SEC23A: variants seen among roughly 807,000 people sequenced by gnomAD.
The protein encoded by SEC23A is protein transport protein Sec23A.
Under a neutral mutation model 103.7 loss-of-function variants are expected in SEC23A, and 56 were observed. The ratio of observed to expected loss-of-function variants is 0.54; its 90% CI spans 0.44 to 0.67. SEC23A has a LOEUF of 0.67. Among genes scored for constraint, SEC23A ranks in the 30% least tolerant of loss-of-function variants. The pLI is 0.00. For missense variants in SEC23A, 784 were observed against 936.4 expected (o/e 0.84, Z 2.12); for synonymous variants, 281 against 293.0 (o/e 0.96, Z 0.42).
chr14:39,065,359 C>T (rs948059059), intron 10 of SEC23A, among the ~76,000 whole-genome samples: 2 of 152,052 alleles, frequency 1.3e-5, no homozygotes, highest in Non-Finnish European at 2.9e-5. Flanking sequence ...GGTCTCCCCC[C>T]AGTCTCTCCT....
intron 19 of SEC23A, among the ~76,000 whole-genome samples, chr14:39,036,319 T>TC (rs1885457861): frequency 5.0e-5 from 1 of 19,940 alleles, no homozygotes; most frequent in African/African-American, 2.8e-4. Context: ...AGACTCCGTC[T>TC]CAAAAAAAAA....
intron 9 of SEC23A, among the ~76,000 whole-genome samples, chr14:39,071,856 C>T (rs1034838000): frequency 1.5e-4 from 22 of 151,426 alleles, no homozygotes; most frequent in East Asian, 7.8e-4. Context: ...AGAGCGACTC[C>T]GTCTCAAAAT....
intron 15 of SEC23A, chr14:39,047,509 AC>A (rs1885882971): frequency 2.4e-5 from 16 of 660,724 alleles, no homozygotes; most frequent in Admixed American, 3.9e-5. Flanking sequence ...AACAACAACA[AC>A]AAAAAAAAAA....
At chr14:39,050,885 G>A (rs1022525178) in intron 14 of SEC23A, among the ~76,000 whole-genome samples, 10 of 152,296 alleles carry the variant, frequency 6.6e-5, no homozygotes, top group African/African-American at 2.4e-4. Context: ...AAGGGACTGA[G>A]AATAGAGGCA....
intron 12 of SEC23A, among the ~76,000 whole-genome samples, chr14:39,062,274 T>C (rs1188423943): frequency 2.0e-5 from 3 of 152,182 alleles, no homozygotes; most frequent in African/African-American, 7.2e-5. Context: ...TGTATTTTTT[T>C]AAACTCAGGA....
At chr14:39,060,824 A>AT (rs1201515012) in intron 13 of SEC23A, among the ~76,000 whole-genome samples, 1 of 152,246 alleles carries the variant, frequency 6.6e-6, no homozygotes, top group African/African-American at 2.4e-5. Flanking sequence ...AAAGATAGGA[A>AT]TAAGAAAAGG....
chr14:39,052,075 A>G (rs1460825330), intron 14 of SEC23A, among the ~76,000 whole-genome samples: 2 of 152,110 alleles, frequency 1.3e-5, no homozygotes, highest in African/African-American at 2.4e-5. Context: ...CAAACACCAC[A>G]TGCTCTCACT....
chr14:39,067,952 G>A (rs994002447), intron 9 of SEC23A, among the ~76,000 whole-genome samples: 6 of 151,984 alleles, frequency 3.9e-5, no homozygotes, highest in African/African-American at 1.2e-4. Context: ...TTACAGGCAT[G>A]AGCCACCCAC....
At chr14:39,090,575 C>T (rs1887625007) in intron 5 of SEC23A, among the ~76,000 whole-genome samples, 1 of 152,180 alleles carries the variant, frequency 6.6e-6, no homozygotes, top group Non-Finnish European at 1.5e-5. Flanking sequence ...TAACTTCCCT[C>T]ACCAAACATA....
At chr14:39,075,826 T>A in intron 8 of SEC23A, 109 bp downstream of exon 8, 1 of 891,952 alleles carries the variant, frequency 1.1e-6, no homozygotes, top group Non-Finnish European at 1.8e-6. Context: ...AGTTATAGTA[T>A]CAAACTGTAT....
rs140137008 is a variant in SEC23A, at chr14:39,079,691, G to A, written c.829-3598C>T. Among the ~76,000 whole-genome samples the A allele has an allele frequency of 8.8e-3, 1,344 of 152,014 alleles. 22 individuals are homozygous for A. Among genetic ancestry groups the A allele is most frequent in the African/African-American group, 0.031 (1,271 of 41,454 alleles). ...CAAAAAATTAGCCAGGCGGGGTGGC[G>A]GGTACCTATAATCCCAGCTACTTGG... On this transcript the variant is annotated intron_variant, in intron 7 of 19. Transcript: ENST00000307712.
intron 9 of SEC23A, among the ~76,000 whole-genome samples, chr14:39,069,651 G>C (rs7155918): frequency 0.067 from 10,103 of 151,882 alleles, 1,120 homozygotes; most frequent in African/African-American, 0.23. Flanking sequence ...GTAGAGACAG[G>C]GTTTCACCAT....
intron 14 of SEC23A, among the ~76,000 whole-genome samples, chr14:39,052,491 A>C (rs956754710): frequency 1.3e-5 from 2 of 152,292 alleles, no homozygotes; most frequent in Admixed American, 1.3e-4. Context: ...CCACCTTTAC[A>C]AGGAAAATCA....
At chr14:39,096,646 G>T (rs1469664781) in intron 1 of SEC23A, among the ~76,000 whole-genome samples, 1 of 152,006 alleles carries the variant, frequency 6.6e-6, no homozygotes, top group Admixed American at 6.6e-5. Context: ...CCAATAAGAG[G>T]TATTTAACAC....
intron 14 of SEC23A, among the ~76,000 whole-genome samples, chr14:39,049,292 A>G (rs745935817): frequency 6.6e-6 from 1 of 152,122 alleles, no homozygotes; most frequent in Non-Finnish European, 1.5e-5. Context: ...CCTGGCCAAC[A>G]TGGTGAAACC....
At chr14:39,041,641 G>T (rs1044505566) in intron 17 of SEC23A, among the ~76,000 whole-genome samples, 1 of 151,784 alleles carries the variant, frequency 6.6e-6, no homozygotes, top group African/African-American at 2.4e-5. Context: ...AAGCCAACAC[G>T]GGCGGATCAC....
chr14:39,063,450 G>T lies in SEC23A; in HGVS notation c.1309-37C>A, dbSNP rs573818876. On this transcript the variant is annotated intron_variant, in intron 11 of 19. Transcript: ENST00000307712. The stretch of plus-strand genomic sequence containing the variant: ...AAATATAGCATGTTTGAAAGCTAGA[G>T]ACACAATTTATTAATTTTATATTAA... 18 of 1,276,802 alleles carry T rather than the reference G, an allele frequency of 1.4e-5. No homozygotes were observed. In the African/African-American group the frequency reaches 2.1e-4, roughly 15 times the overall value. 79.1% of individuals were successfully genotyped at this position (1,276,802 alleles called of 1,614,324 possible). A position where few individuals can be genotyped will look rare whatever the true frequency, so the allele number is the denominator to read the frequency against.
intron 10 of SEC23A, 108 bp from the exon 11 acceptor site, chr14:39,065,101 C>G (rs896517016): frequency 2.0e-5 from 15 of 765,520 alleles, no homozygotes; most frequent in African/African-American, 1.9e-4. Context: ...AAACTCAAAG[C>G]CAATGAAAAT....
In SEC23A at chr14:39,096,174, G is replaced by C. The variant is rs948279620; in HGVS notation, c.-21-35C>G. ...AATTTTAAAATATTTTAAAATCCAG[G>C]ATCCTCTTAAGAACGTTCAAAATAT... On this transcript the variant is annotated intron_variant, in intron 1 of 19. Coordinates refer to ENST00000307712, the MANE Select transcript of SEC23A (RefSeq NM_006364.4). The C allele has an allele frequency of 4.8e-5, 65 of 1,349,442 alleles. No homozygotes were observed. The Admixed American group carries it at 1.1e-3, about 22-fold the overall frequency. The allele number at this position is 1,349,442 out of a possible 1,614,324, so 83.6% of individuals were successfully genotyped here. A position where few individuals can be genotyped will look rare whatever the true frequency, so the allele number is the denominator to read the frequency against.
Sources: allele counts gnomAD v4.1 joint callset (sites outside exome capture counted in the v4.1 genomes callset), GRCh38; gene constraint gnomAD v4.1.1; transcripts MANE v1.5; gene names NCBI Gene and HGNC (gene_info 2026-07-23, HGNC 2026-07-21).